ARID2: variants seen among roughly 807,000 people sequenced by gnomAD.
ARID2 encodes AT-rich interactive domain-containing protein 2.
Under a neutral mutation model 184.6 loss-of-function variants are expected in ARID2, and 32 were observed. The ratio of observed to expected loss-of-function variants is 0.17; its 90% confidence interval spans 0.13 to 0.23. ARID2 has a LOEUF of 0.23. Among genes scored for constraint, ARID2 ranks in the 10% least tolerant of loss-of-function variants. The pLI is 1.00. For missense variants in ARID2, 1,696 were observed against 2,197.6 expected (o/e 0.77, Z 4.56); for synonymous variants, 836 against 772.6 (o/e 1.08, Z -1.36).
At chr12:45,733,284 T>G (rs980918248) in intron 3 of ARID2, among the ~76,000 whole-genome samples, 3 of 152,214 alleles carry the variant, frequency 2.0e-5, no homozygotes, top group Admixed American at 2.0e-4. Context: ...TTTTTCCTGG[T>G]GGTCTAATAT....
chr12:45,799,447 G>C (rs1283758155), intron 3 of ARID2, among the ~76,000 whole-genome samples: 1 of 152,060 alleles, frequency 6.6e-6, no homozygotes, highest in Non-Finnish European at 1.5e-5. Context: ...TCTGTCAGTG[G>C]TGCACATTTT....
intron 3 of ARID2, among the ~76,000 whole-genome samples, chr12:45,798,002 A>G (rs1483912770): frequency 6.6e-6 from 1 of 152,082 alleles, no homozygotes; most frequent in Non-Finnish European, 1.5e-5. Flanking sequence ...TCTTTATTTC[A>G]TTCTAAAAAT....
chr12:45,792,152 C>G (rs1051303270), intron 3 of ARID2, among the ~76,000 whole-genome samples: 2 of 151,972 alleles, frequency 1.3e-5, no homozygotes, highest in African/African-American at 4.8e-5. Context: ...AATTTTCATT[C>G]TTGCTTTTTA....
chr12:45,863,790 A>G (rs1943789621), intron 16 of ARID2, among the ~76,000 whole-genome samples: 1 of 149,992 alleles, frequency 6.7e-6, no homozygotes, highest in Admixed American at 6.6e-5. Flanking sequence ...ACCACACTTT[A>G]TGTAGTCTTT....
chr12:45,772,621 T>C (rs12320533), intron 3 of ARID2, among the ~76,000 whole-genome samples: 94,015 of 152,064 alleles, frequency 0.62, 31,078 homozygotes, highest in African/African-American at 0.87. Context: ...GCAAAATAGA[T>C]TTTAAAACAA....
At chr12:45,876,566 A>C (rs1944012167) in intron 16 of ARID2, among the ~76,000 whole-genome samples, 1 of 135,628 alleles carries the variant, frequency 7.4e-6, no homozygotes, top group African/African-American at 2.7e-5. Flanking sequence ...AAAGAAAAAA[A>C]AGGAAAAAAA....
intron 3 of ARID2, among the ~76,000 whole-genome samples, chr12:45,796,445 T>A (rs1168064176): frequency 6.6e-6 from 1 of 152,206 alleles, no homozygotes; most frequent in Non-Finnish European, 1.5e-5. Flanking sequence ...TTTGAAACTA[T>A]ATGTCATCTA....
chr12:45,782,847 G>C lies in ARID2; in HGVS notation c.285-28571G>C, dbSNP rs1229747958. Among the ~76,000 whole-genome samples the C allele has an allele frequency of 5.9e-5, 9 of 152,118 alleles. No individual in the cohort carries two copies. The East Asian group carries it at 1.5e-3, about 26-fold the overall frequency. On this transcript the variant is annotated intron_variant, in intron 3 of 20. Transcript: ENST00000334344. ...AAATGGGCCGGGTGCGGTGGTTCAT[G>C]CCTGTAATTCTAGCACTTTGGGAGG... is the stretch of plus-strand genomic sequence containing the variant.
intron 3 of ARID2, among the ~76,000 whole-genome samples, chr12:45,771,105 T>A (rs1172116481): frequency 6.6e-6 from 1 of 152,162 alleles, no homozygotes; most frequent in Non-Finnish European, 1.5e-5. Flanking sequence ...ATTATATAAT[T>A]ATAAAAGATA....
At chr12:45,746,971 G>A (rs1015650662) in intron 3 of ARID2, among the ~76,000 whole-genome samples, 3 of 152,136 alleles carry the variant, frequency 2.0e-5, no homozygotes, top group Admixed American at 6.5e-5. Flanking sequence ...GGGTTTCACC[G>A]TGTTAGCCAG....
At position 45,834,199 on chromosome 12, in the gene ARID2, A is replaced by G. The variant is rs76733247; in HGVS notation, c.706-2390A>G. On this transcript the variant is annotated intron_variant, in intron 6 of 20. Transcript: ENST00000334344. Reference sequence around the variant, plus strand: ...TTGGTAGGATGACTACTCCAGTACCATACTCCATATGGCCTAAATAAATAG... The same window carrying G: ...TTGGTAGGATGACTACTCCAGTACCGTACTCCATATGGCCTAAATAAATAG... Among the ~76,000 whole-genome samples, 215 of 152,168 alleles carry G rather than the reference A, an allele frequency of 1.4e-3. 6 individuals carry two copies. The East Asian group carries it at 0.032, about 23-fold the overall frequency.
rs755189381 is a variant in ARID2, at chr12:45,730,084, C to G, written c.133C>G (p.Leu45Val). Residue 45 changes from leucine to valine, a missense_variant, in exon 2 of 21, where the codon CTG (leucine) becomes GTG (valine). Leu to Val is a conservative substitution (Grantham distance 32). Around this residue, in one of 11 missense-constraint regions of ARID2, gnomAD observed 54 missense variants for 59.9 expected, o/e 0.90. Coordinates refer to ENST00000334344, the MANE Select transcript of ARID2 (RefSeq NM_152641.4). Reference sequence around the variant, plus strand: ...AATCCCTGCGGTGGGTGGGAAGGAGCTGGATCTTCACGGTCTCTACACCAG... The same window carrying G: ...AATCCCTGCGGTGGGTGGGAAGGAGGTGGATCTTCACGGTCTCTACACCAG... Reference protein sequence around the residue: ...KKIPAVGGKELDLHGLYTRVT... With the variant: ...KKIPAVGGKEVDLHGLYTRVT... 3 of 1,613,598 alleles carry G rather than the reference C, an allele frequency of 1.9e-6. No homozygotes were observed. The highest frequency in any genetic ancestry group is 2.2e-5 in the East Asian group (1 of 44,818).
intron 3 of ARID2, among the ~76,000 whole-genome samples, chr12:45,787,293 C>T (rs1942213363): frequency 6.6e-6 from 1 of 151,390 alleles, no homozygotes; most frequent in South Asian, 2.1e-4. Flanking sequence ...TCGCGGCTCA[C>T]TATAGCCTCG....
At chr12:45,761,368 A>G (rs992667655) in intron 3 of ARID2, among the ~76,000 whole-genome samples, 6 of 152,080 alleles carry the variant, frequency 3.9e-5, no homozygotes, top group African/African-American at 1.4e-4. Flanking sequence ...TTTTTTGACT[A>G]GATTACATTT....
At chr12:45,901,539 T>C (rs1163859570) in intron 20 of ARID2, among the ~76,000 whole-genome samples, 1 of 152,168 alleles carries the variant, frequency 6.6e-6, no homozygotes, top group Non-Finnish European at 1.5e-5. Context: ...CATCCTGTTC[T>C]TAGTGGTGTC....
At chr12:45,783,545 AG>A (rs532333550) in intron 3 of ARID2, among the ~76,000 whole-genome samples, 159 of 152,334 alleles carry the variant, frequency 1.0e-3, no homozygotes, top group African/African-American at 3.4e-3. Flanking sequence ...AGACTGTGGC[AG>A]GGGGATGGTT....
At chr12:45,876,197 G>C (rs2138210804) in intron 16 of ARID2, among the ~76,000 whole-genome samples, 1 of 152,328 alleles carries the variant, frequency 6.6e-6, no homozygotes, top group East Asian at 1.9e-4. Context: ...GTGTATCAGG[G>C]AGCCCTAAGG....
intron 16 of ARID2, among the ~76,000 whole-genome samples, chr12:45,890,196 T>C (rs1179829258): frequency 1.3e-5 from 2 of 152,222 alleles, no homozygotes; most frequent in Non-Finnish European, 2.9e-5. Context: ...CACTTAAAAA[T>C]ATCTGTTTTA....
At chr12:45,766,900 A>G (rs1941782353) in intron 3 of ARID2, among the ~76,000 whole-genome samples, 1 of 150,036 alleles carries the variant, frequency 6.7e-6, no homozygotes, top group African/African-American at 2.5e-5. Flanking sequence ...CCTGGGAGGC[A>G]GAGATTGCGG....
Sources: allele counts gnomAD v4.1 joint callset (sites outside exome capture counted in the v4.1 genomes callset), GRCh38; gene constraint gnomAD v4.1.1; regional missense constraint gnomAD v4.1.1; transcripts MANE v1.5; gene names NCBI Gene and HGNC (gene_info 2026-07-23, HGNC 2026-07-21).